Variants in CACNA1C observed in about 807,000 individuals in gnomAD.
CACNA1C encodes the protein voltage-dependent L-type calcium channel subunit alpha-1C.
CACNA1C carries 30 observed loss-of-function variants against 229.0 expected under a neutral mutation model. That is an observed-to-expected ratio of 0.13 (90% CI 0.10 to 0.18). The LOEUF (loss-of-function observed/expected upper bound fraction) is 0.18, where lower values mean the gene tolerates loss of function less well. Ranked by LOEUF, CACNA1C falls within the 10% of genes least tolerant of loss-of-function variation. The pLI, the probability that CACNA1C is intolerant of heterozygous loss-of-function variation, is 1.00. For synonymous variants in CACNA1C, 1,114 were observed against 1,132.5 expected (o/e 0.98, Z 0.33); for missense variants, 1,658 against 2,845.0 (o/e 0.58, Z 9.49).
intron 3 of CACNA1C, among the ~76,000 whole-genome samples, chr12:2,245,129 G>A (rs949868527): frequency 7.2e-5 from 11 of 152,328 alleles, no homozygotes; most frequent in South Asian, 4.1e-4. Context: ...GAGGGGCCGC[G>A]CTGATCGTGA....
chr12:2,151,262 A>AT (rs113212437), intron 3 of CACNA1C, among the ~76,000 whole-genome samples: 7,136 of 147,634 alleles, frequency 0.048, 305 homozygotes, highest in African/African-American at 0.11. Context: ...GCACAGTAAG[A>AT]TTTTTTTTTT....
chr12:2,550,728 T>TG lies in CACNA1C; in HGVS notation c.1481+695_1481+696insG, dbSNP rs2099898723. The TG allele has an allele frequency of 3.3e-6, 4 of 1,214,848 alleles. 1 individual carries two copies. 75.3% of individuals were successfully genotyped at this position (1,214,848 alleles called of 1,614,324 possible). Reference sequence around the variant, plus strand: ...GCAGGGCGGCATCTCCCTTCCCTCCTCGTCTGTGGAATGATGGAGAGCCTG... The same window carrying TG: ...GCAGGGCGGCATCTCCCTTCCCTCCTGCGTCTGTGGAATGATGGAGAGCCTG... On this transcript the variant is annotated intron_variant, in intron 10 of 46. Transcript: ENST00000399655.
chr12:2,302,475 G>A (rs2094639476), intron 3 of CACNA1C, among the ~76,000 whole-genome samples: 2 of 151,956 alleles, frequency 1.3e-5, no homozygotes, highest in African/African-American at 2.4e-5. Context: ...TCTTCCAAAG[G>A]CACCAATTAT....
chr12:2,515,803 C>T (rs963080062), intron 9 of CACNA1C, among the ~76,000 whole-genome samples: 9 of 152,158 alleles, frequency 5.9e-5, no homozygotes, highest in Admixed American at 2.6e-4. Flanking sequence ...AGAAAGAAAG[C>T]GTGCAGTTGG....
At chr12:2,415,999 G>T (rs2098890330) in intron 3 of CACNA1C, among the ~76,000 whole-genome samples, 1 of 152,078 alleles carries the variant, frequency 6.6e-6, no homozygotes, top group African/African-American at 2.4e-5. Flanking sequence ...TCTCAGAGGA[G>T]CCCAGGTTTC....
At chr12:2,543,750 G>T (rs1258025910) in intron 9 of CACNA1C, among the ~76,000 whole-genome samples, 1 of 152,174 alleles carries the variant, frequency 6.6e-6, no homozygotes, top group African/African-American at 2.4e-5. Flanking sequence ...TTTCCATGCA[G>T]GTGACTGCCA....
chr12:2,112,804 C>T (rs2082282853), intron 1 of CACNA1C, among the ~76,000 whole-genome samples: 1 of 152,038 alleles, frequency 6.6e-6, no homozygotes, highest in African/African-American at 2.4e-5. Context: ...CCTCAGAGTC[C>T]CTTAAGTATA....
chr12:2,583,157 G>A (rs1005275438), intron 15 of CACNA1C, among the ~76,000 whole-genome samples: 1 of 152,204 alleles, frequency 6.6e-6, no homozygotes, highest in Non-Finnish European at 1.5e-5. Context: ...CCGCAGCGGC[G>A]CCGCGCTCCG....
At chr12:2,180,417 G>C (rs2096799549) in intron 3 of CACNA1C, among the ~76,000 whole-genome samples, 1 of 152,234 alleles carries the variant, frequency 6.6e-6, no homozygotes, top group African/African-American at 2.4e-5. Flanking sequence ...CTGCTTTGGA[G>C]GAAGCGAAAT....
chr12:2,530,543 G>T (rs554974265), intron 9 of CACNA1C, among the ~76,000 whole-genome samples: 1 of 152,196 alleles, frequency 6.6e-6, no homozygotes, highest in South Asian at 2.1e-4. Context: ...CCATGATGGA[G>T]CCCAAATTGT....
At chr12:2,359,555 T>TA (rs1380631795) in intron 3 of CACNA1C, among the ~76,000 whole-genome samples, 1 of 148,392 alleles carries the variant, frequency 6.7e-6, no homozygotes, top group Non-Finnish European at 1.5e-5. Flanking sequence ...TTTTTTTTTT[T>TA]AAATCTCACA....
In CACNA1C at chr12:2,564,385, C is replaced by T. The variant is rs543024182; in HGVS notation, c.1509-2037C>T. Among the ~76,000 whole-genome samples, 6 of 152,176 alleles carry T rather than the reference C, an allele frequency of 3.9e-5. No homozygotes were observed. In the South Asian group the frequency reaches 6.2e-4, roughly 16 times the overall value. On this transcript the variant is annotated intron_variant, in intron 11 of 46. Transcript: ENST00000399655. ...TTATTTAGAGGAATGTCTGTCTAGA[C>T]GAGAGAGATTCATAGAAAGGAGATC...
In CACNA1C at chr12:2,641,959, G is replaced by A. The variant is rs75047029; in HGVS notation, c.3913-6516G>A. 0.033 allele frequency among the ~76,000 whole-genome samples: 4,980 copies of A among 152,130 alleles called. 120 individuals are homozygous for A. The highest frequency in any genetic ancestry group is 0.12 in the Middle Eastern group (35 of 292). On this transcript the variant is annotated intron_variant, in intron 30 of 46. Coordinates refer to ENST00000399655, the MANE Select transcript of CACNA1C (RefSeq NM_000719.7). ...CCCCTGGGAGGAGGCCGAATGCCCC[G>A]GATCTCAAGGTCTAGGGCGAGGCTT...
At chr12:2,052,983 C>G (rs905255813), upstream of CACNA1C, 14 of 982,676 alleles carry the variant, frequency 1.4e-5, no homozygotes, top group Admixed American at 1.2e-4. Flanking sequence ...CTCGCGCGCC[C>G]GGTGTCTCCC....
chr12:2,449,347 G>T (rs1738760709), intron 4 of CACNA1C, among the ~76,000 whole-genome samples: 1 of 152,198 alleles, frequency 6.6e-6, no homozygotes, highest in African/African-American at 2.4e-5. Context: ...CTCGCAGGTT[G>T]AATCCAAGGT....
intron 3 of CACNA1C, among the ~76,000 whole-genome samples, chr12:2,251,088 A>T (rs2075419561): frequency 6.6e-6 from 1 of 152,180 alleles, no homozygotes; most frequent in Admixed American, 6.5e-5. Flanking sequence ...TTTGAGAGGG[A>T]TGTGTGTCTG....
chr12:2,561,078 G>A (rs921744211), intron 11 of CACNA1C, among the ~76,000 whole-genome samples: 11 of 152,154 alleles, frequency 7.2e-5, no homozygotes, highest in Non-Finnish European at 1.5e-4. Context: ...GTACATTTGC[G>A]TAGAGTTCGT....
chr12:2,341,543 A>G (rs1225447765), intron 3 of CACNA1C, among the ~76,000 whole-genome samples: 4 of 152,164 alleles, frequency 2.6e-5, no homozygotes. Context: ...GCCCCTGTGC[A>G]CACCTGAGAG....
chr12:2,026,325 A>C (rs1371895040), intron 1 of CACNA1C, among the ~76,000 whole-genome samples: 1 of 152,202 alleles, frequency 6.6e-6, no homozygotes, highest in Non-Finnish European at 1.5e-5. Flanking sequence ...GGGAGCCTTG[A>C]AAATTCTTCG....
Sources: gnomAD v4.1 joint callset for allele counts (sites outside exome capture counted in the v4.1 genomes callset) on GRCh38, gnomAD v4.1.1 for gene constraint, MANE v1.5 for transcripts, NCBI Gene and HGNC (gene_info 2026-07-23, HGNC 2026-07-21) for gene names.